SMC4: variants seen among roughly 807,000 people sequenced by gnomAD.
The protein encoded by SMC4 is structural maintenance of chromosomes 4.
SMC4 carries 87 observed loss-of-function variants against 145.6 expected under a neutral mutation model. That is an observed-to-expected ratio of 0.60 (90% CI 0.50 to 0.71). SMC4 has a LOEUF of 0.71. Among genes scored for constraint, SMC4 ranks in the 30% least tolerant of loss-of-function variants. The pLI, the probability that SMC4 is intolerant of heterozygous loss-of-function variation, is 0.00. For missense variants in SMC4, 1,447 were observed against 1,537.1 expected, an observed-to-expected ratio of 0.94 and a Z score of 0.98; for synonymous variants, 558 against 500.7, an observed-to-expected ratio of 1.11 and a Z score of -1.53.
chr3:160,423,814 CTTG>C lies in SMC4; in HGVS notation c.2302_2304del (p.Val768del). On this transcript the variant is annotated inframe_deletion, in exon 15 of 24. Transcript: ENST00000357388. Reference sequence around the variant, plus strand: ...AATGAAAGGAAGAATGGGTTCCTCACTTGTTATTGAAATCTCTGAAGAAGAGGT... The same window carrying C: ...AATGAAAGGAAGAATGGGTTCCTCACTTATTGAAATCTCTGAAGAAGAGGT... 1 of 1,612,384 alleles carries C rather than the reference CTTG, an allele frequency of 6.2e-7. No homozygotes were observed. Among genetic ancestry groups the C allele is most frequent in the Middle Eastern group, 1.7e-4 (1 of 6,052 alleles).
At chr3:160,431,368 A>T (rs900549264) in intron 20 of SMC4, among the ~76,000 whole-genome samples, 163 bp downstream of exon 20, 1 of 152,184 alleles carries the variant, frequency 6.6e-6, no homozygotes, top group African/African-American at 2.4e-5. Flanking sequence ...GGGACATAAC[A>T]ATATAAATTG....
chr3:160,416,555 A>T, intron 10 of SMC4, 140 bp downstream of exon 10: 1 of 484,328 alleles, frequency 2.1e-6, no homozygotes, highest in Non-Finnish European at 3.6e-6. Flanking sequence ...TAGTCAACCT[A>T]GACTTAGATG....
chr3:160,423,770 C>G lies in SMC4; in HGVS notation c.2255C>G (p.Thr752Ser). 1 of 1,613,388 alleles carries G rather than the reference C, an allele frequency of 6.2e-7. No homozygotes were observed. The highest frequency in any genetic ancestry group is 8.5e-7 in the Non-Finnish European group (1 of 1,179,728). Reference protein sequence around the residue: ...GQIIEQSGTMTGGGSKVMKGR... With the variant: ...GQIIEQSGTMSGGGSKVMKGR... The stretch of plus-strand genomic sequence containing the variant: ...CTCCCCTGTTTTCCAGGTACAATGA[C>G]TGGTGGTGGAAGCAAAGTAATGAAA... The change falls in exon 15 of 24, where the codon ACT (threonine) becomes AGT (serine). Residue 752 changes from threonine to serine, a missense_variant. By Grantham distance (58) the Thr-to-Ser change is moderately conservative. Transcript: ENST00000357388.
intron 16 of SMC4, among the ~76,000 whole-genome samples, chr3:160,425,396 A>G (rs754516680): frequency 6.6e-6 from 1 of 152,072 alleles, no homozygotes; most frequent in East Asian, 1.9e-4. Context: ...GATCACCTTC[A>G]TTTTGACGTA....
At chr3:160,426,241 A>AG (rs746322287) in intron 17 of SMC4, 41 bp downstream of exon 17, 2 of 1,492,760 alleles carry the variant, frequency 1.3e-6, no homozygotes, top group Non-Finnish European at 1.8e-6. Context: ...GAAAAAAAAA[A>AG]CAGGTTTTTA....
At position 160,413,527 on chromosome 3, in the gene SMC4, T is replaced by C; in HGVS notation, c.1035T>C (p.His345=). ...TGGAAACTCAAAAGGAAAAAATTCATGAAGATACCAAAGAAATTAATGAGA... is the reference window on the plus strand; with the variant it reads ...TGGAAACTCAAAAGGAAAAAATTCACGAAGATACCAAAGAAATTAATGAGA... The part of the protein sequence containing the change: ...AEMETQKEKI[H]EDTKEINEKS... Residue 345 remains histidine (H), a synonymous_variant, in exon 8 of 24, where the codon CAT becomes CAC. Coordinates refer to ENST00000357388, the MANE Select transcript of SMC4 (RefSeq NM_001002800.3). 1.9e-6 allele frequency: 3 copies of C among 1,590,218 alleles called. No homozygotes were observed. The Admixed American group carries it at 5.6e-5, about 29-fold the overall frequency.
In SMC4 at chr3:160,402,025, A is replaced by G. The variant is rs1559986577; in HGVS notation, c.250A>G (p.Ile84Val). 1 of 1,599,752 alleles carries G rather than the reference A, an allele frequency of 6.3e-7. No homozygotes were observed. Residue 84 changes from isoleucine to valine, a missense_variant, in exon 3 of 24, where the codon ATA becomes GTA. Transcript: ENST00000357388. ...TNEAGAPRLMITHIVNQNFKS... is the reference protein window; with the variant it reads ...TNEAGAPRLMVTHIVNQNFKS... ...TGAAGCTGGAGCTCCTCGGCTTATGATAACTCATATTGTAAACCAGAACTT... is the reference window on the plus strand; with the variant it reads ...TGAAGCTGGAGCTCCTCGGCTTATGGTAACTCATATTGTAAACCAGAACTT...
intron 19 of SMC4, 96 bp downstream of exon 19, chr3:160,430,839 C>T: frequency 2.2e-6 from 3 of 1,381,030 alleles, no homozygotes; most frequent in South Asian, 1.5e-5. Flanking sequence ...AGTAAGCACT[C>T]ATAGACTTAA....
At chr3:160,424,784 TG>T in intron 15 of SMC4, 82 bp from the exon 16 acceptor site, 1 of 1,523,550 alleles carries the variant, frequency 6.6e-7, no homozygotes. Flanking sequence ...CACTCCAGCC[TG>T]GGCGACAGAA....
intron 4 of SMC4, among the ~76,000 whole-genome samples, chr3:160,403,330 T>C (rs1262183963): frequency 1.1e-4 from 17 of 152,138 alleles, no homozygotes; most frequent in Non-Finnish European, 2.9e-5. Context: ...GTTTGACTAC[T>C]GCTGTAATTA....
At chr3:160,401,135 C>T (rs184908973) in intron 2 of SMC4, among the ~76,000 whole-genome samples, 170 bp downstream of exon 2, 7 of 152,092 alleles carry the variant, frequency 4.6e-5, no homozygotes, top group Non-Finnish European at 7.4e-5. Context: ...GATAGGATTC[C>T]CGTGCAATTT....
At chr3:160,401,098 C>A in intron 2 of SMC4, 133 bp downstream of exon 2, 1 of 1,203,774 alleles carries the variant, frequency 8.3e-7, no homozygotes, top group Non-Finnish European at 1.1e-6. Context: ...CCGGTAGAGG[C>A]TCAGGAAAGC....
At chr3:160,414,555 G>A (rs544866513) in intron 9 of SMC4, 38 bp downstream of exon 9, 59 of 1,563,604 alleles carry the variant, frequency 3.8e-5, no homozygotes, top group Non-Finnish European at 4.5e-5. Flanking sequence ...TTTCACGTCT[G>A]AATATCATAC....
rs1161761937 is a variant in SMC4, at chr3:160,414,235, AAGG to A, written c.1122-129_1122-127del. 5 of 755,952 alleles carry A rather than the reference AAGG, an allele frequency of 6.6e-6. No homozygotes were observed. The African/African-American group carries it at 6.9e-5, about 10-fold the overall frequency. 46.8% of individuals were successfully genotyped at this position (755,952 alleles called of 1,614,324 possible). A position where few individuals can be genotyped will look rare whatever the true frequency, so the allele number is the denominator to read the frequency against. On this transcript the variant is annotated intron_variant, in intron 8 of 23. Coordinates refer to ENST00000357388, the MANE Select transcript of SMC4 (RefSeq NM_001002800.3). ...ATGGGGAGAGGGATCATCTTGGAAT[AAGG>A]AGAGTTTTAGGATCCTGCCTTATTA...
At chr3:160,418,157 CAT>C (rs926892222) in intron 11 of SMC4, among the ~76,000 whole-genome samples, 24 of 151,968 alleles carry the variant, frequency 1.6e-4, no homozygotes, top group Non-Finnish European at 2.6e-4. Context: ...CCAGAAGCAC[CAT>C]ATAGTAAGTA....
At chr3:160,402,326 T>A (rs2108444733) in intron 3 of SMC4, among the ~76,000 whole-genome samples, 1 of 152,296 alleles carries the variant, frequency 6.6e-6, no homozygotes, top group South Asian at 2.1e-4. Context: ...AGTTACAAAG[T>A]TTTCCATTGA....
Position 160,414,414 on chromosome 3 carries a change from T to A in SMC4, c.1169T>A (p.Phe390Tyr). Reference protein sequence around the residue: ...TKFIEENKEKFTQLDLEDVQV... With the variant: ...TKFIEENKEKYTQLDLEDVQV... ...TTTATTGAGGAGAATAAAGAAAAAT[T>A]TACACAGCTAGATTTGGAAGATGTT... is the stretch of plus-strand genomic sequence containing the variant. The change falls in exon 9 of 24, where the codon TTT becomes TAT. Residue 390 changes from phenylalanine (F) to tyrosine (Y), a missense_variant. Phe to Tyr is a conservative substitution (Grantham distance 22, BLOSUM62 3). Coordinates refer to ENST00000357388, the MANE Select transcript of SMC4 (RefSeq NM_001002800.3). 6.2e-7 allele frequency: 1 copy of A among 1,609,280 alleles called. No homozygotes were observed. Among genetic ancestry groups the A allele is most frequent in the Non-Finnish European group, 8.5e-7 (1 of 1,177,646 alleles).
chr3:160,420,654 T>G, intron 12 of SMC4, 86 bp from the exon 13 acceptor site: 2 of 1,427,710 alleles, frequency 1.4e-6, no homozygotes, highest in Non-Finnish European at 1.9e-6. Context: ...AGTTTTTCAA[T>G]TAAAAGAAGT....
At chr3:160,428,396 G>C (rs1267763773) in intron 17 of SMC4, among the ~76,000 whole-genome samples, 1 of 152,146 alleles carries the variant, frequency 6.6e-6, no homozygotes, top group Non-Finnish European at 1.5e-5. Flanking sequence ...TTGTGGGCAA[G>C]TTAATATTGA....
Sources: allele counts gnomAD v4.1 joint callset (sites outside exome capture counted in the v4.1 genomes callset), GRCh38; gene constraint gnomAD v4.1.1; transcripts MANE v1.5; gene names NCBI Gene and HGNC (gene_info 2026-07-23, HGNC 2026-07-21).